The following URI1 variants were observed in gnomAD, a reference collection of about 807,000 sequenced individuals.
URI1 encodes URI1 prefoldin like chaperone.
Under a neutral mutation model 60.2 loss-of-function variants are expected in URI1, and 39 were observed. That is an observed-to-expected ratio of 0.65 (90% CI 0.50 to 0.85). The LOEUF (loss-of-function observed/expected upper bound fraction) is 0.85. Among genes scored for constraint, URI1 ranks in the 40% least tolerant of loss-of-function variants. The probability of loss-of-function intolerance (pLI) is 0.00; values close to 1 mark genes in which losing one functional copy is unlikely to be tolerated. For synonymous variants in URI1, 251 were observed against 236.8 expected (o/e 1.06, Z -0.55); for missense variants, 691 against 665.9 (o/e 1.04, Z -0.42).
intron 2 of URI1, among the ~76,000 whole-genome samples, chr19:29,981,306 T>A (rs904630207): frequency 3.9e-5 from 6 of 152,164 alleles, no homozygotes; most frequent in African/African-American, 1.2e-4. Flanking sequence ...GTTGTGGACA[T>A]CTGTGTATTT....
intron 1 of URI1, among the ~76,000 whole-genome samples, chr19:29,964,470 T>G (rs532525938): frequency 2.0e-5 from 3 of 149,612 alleles, no homozygotes; most frequent in African/African-American, 4.9e-5. Flanking sequence ...TTTTGTTTTT[T>G]TTTTTTTTTT....
At chr19:29,963,491 T>G (rs1723332147) in intron 1 of URI1, among the ~76,000 whole-genome samples, 1 of 152,216 alleles carries the variant, frequency 6.6e-6, no homozygotes, top group Non-Finnish European at 1.5e-5. Flanking sequence ...TAAAATATAT[T>G]CCTTTTATCT....
At chr19:30,005,318 A>G (rs755228574) in intron 4 of URI1, 43 bp from the exon 5 acceptor site, 58 of 1,154,196 alleles carry the variant, frequency 5.0e-5, no homozygotes, top group Non-Finnish European at 6.7e-5. Flanking sequence ...TACAGGTCGT[A>G]TATATGCCAT....
rs570290442 is a variant in URI1, at chr19:29,924,563, C to T, written c.63+809C>T. On this transcript the variant is annotated intron_variant, in intron 1 of 10. Coordinates refer to the URI1 transcript ENST00000360605. ...CCCTCCCACTGTGAGAACAGAGGGG[C>T]CAGGCCCTCCGTCTGTCTCCCAGCT... Among the ~76,000 whole-genome samples the T allele has an allele frequency of 1.3e-4, 20 of 152,316 alleles. No homozygotes were observed. The South Asian group carries it at 4.1e-3, about 32-fold the overall frequency.
At chr19:30,006,060 T>C (rs1457539925) in intron 6 of URI1, among the ~76,000 whole-genome samples, 1 of 152,134 alleles carries the variant, frequency 6.6e-6, no homozygotes, top group Non-Finnish European at 1.5e-5. Flanking sequence ...TATCTTTTGC[T>C]AGTTTTTCTT....
chr19:29,989,271 C>T (rs72486987), intron 4 of URI1, among the ~76,000 whole-genome samples: 6 of 151,884 alleles, frequency 4.0e-5, no homozygotes, highest in Admixed American at 6.6e-5. Flanking sequence ...CCACCATGCC[C>T]GGCTAATTTT....
At chr19:29,936,368 G>A (rs1204646294) in intron 1 of URI1, among the ~76,000 whole-genome samples, 3 of 152,186 alleles carry the variant, frequency 2.0e-5, no homozygotes, top group African/African-American at 7.2e-5. Context: ...CTCCCAAAGT[G>A]CTGGAATTAC....
intron 1 of URI1, among the ~76,000 whole-genome samples, chr19:29,965,898 G>A (rs2055386018): frequency 6.6e-6 from 1 of 152,180 alleles, no homozygotes; most frequent in South Asian, 2.1e-4. Flanking sequence ...GACTAGATTG[G>A]CATACAGGAA....
intron 1 of URI1, among the ~76,000 whole-genome samples, chr19:29,955,966 A>G (rs887007693): frequency 6.7e-6 from 1 of 150,248 alleles, no homozygotes; most frequent in Non-Finnish European, 1.5e-5. Context: ...TCTTCTGTCT[A>G]TTTCCCAGAG....
chr19:29,942,712 C>T (rs1057179595), intron 1 of URI1, 48 bp downstream of exon 1: 3 of 1,348,678 alleles, frequency 2.2e-6, no homozygotes, highest in South Asian at 3.7e-5. Context: ...CCGGGCTGCC[C>T]CTGCCTGTGC....
intron 2 of URI1, among the ~76,000 whole-genome samples, chr19:29,982,639 C>G (rs1308654277): frequency 6.6e-6 from 1 of 152,146 alleles, no homozygotes; most frequent in Non-Finnish European, 1.5e-5. Flanking sequence ...TGGAGACATT[C>G]TCCCATTGAT....
intron 1 of URI1, among the ~76,000 whole-genome samples, chr19:29,936,259 G>A (rs1008424328): frequency 5.9e-5 from 9 of 151,952 alleles, no homozygotes; most frequent in Middle Eastern, 3.4e-3. Flanking sequence ...GCCCACCACC[G>A]CATCTGGCTA....
At chr19:30,000,077 T>G (rs2145417621) in intron 4 of URI1, among the ~76,000 whole-genome samples, 1 of 152,098 alleles carries the variant, frequency 6.6e-6, no homozygotes, top group South Asian at 2.1e-4. Flanking sequence ...GCTTCTCTAA[T>G]CTTTTTGCTA....
chr19:29,956,635 C>G, intron 1 of URI1: 2 of 1,513,254 alleles, frequency 1.3e-6, no homozygotes, highest in Non-Finnish European at 1.8e-6. Flanking sequence ...GTATTTTTCA[C>G]CCAAGAAATT....
chr19:30,002,725 T>C, intron 4 of URI1, among the ~76,000 whole-genome samples: 1 of 151,992 alleles, frequency 6.6e-6, no homozygotes, highest in East Asian at 1.9e-4. Context: ...GAACTGTCTT[T>C]TGTACATTTT....
intron 8 of URI1, among the ~76,000 whole-genome samples, chr19:30,009,882 G>T (rs989223691): frequency 1.2e-4 from 19 of 152,054 alleles, no homozygotes; most frequent in Admixed American, 6.5e-5. Flanking sequence ...TTTAGAGCTG[G>T]GGGTGACTGG....
upstream of URI1, among the ~76,000 whole-genome samples, chr19:29,940,110 C>T (rs335026): frequency 3.4e-3 from 522 of 152,238 alleles, 3 homozygotes; most frequent in African/African-American, 0.012. Flanking sequence ...GCCTTTTAAA[C>T]GGGAAGTTCA....
At chr19:30,009,947 T>C (rs1327893232) in intron 8 of URI1, among the ~76,000 whole-genome samples, 1 of 152,168 alleles carries the variant, frequency 6.6e-6, no homozygotes, top group Non-Finnish European at 1.5e-5. Flanking sequence ...AGCCTTTTGT[T>C]CCCTCCATAC....
chr19:30,005,861 G>T (rs1599722793), intron 6 of URI1, among the ~76,000 whole-genome samples, 153 bp downstream of exon 6: 1 of 151,746 alleles, frequency 6.6e-6, no homozygotes, highest in East Asian at 1.9e-4. Flanking sequence ...TTTTTTATGT[G>T]AAACATTAAT....
Sources: allele counts gnomAD v4.1 joint callset (sites outside exome capture counted in the v4.1 genomes callset), GRCh38; gene constraint gnomAD v4.1.1; transcripts MANE v1.5; gene names NCBI Gene and HGNC (gene_info 2026-07-23, HGNC 2026-07-21).